The following PEX13 variants were observed in gnomAD, a reference collection of about 807,000 sequenced individuals.
PEX13 encodes the protein peroxisomal biogenesis factor 13, also known as peroxisome biogenesis factor 13.
PEX13 carries 28 observed loss-of-function variants against 34.5 expected under a neutral mutation model. That is an observed-to-expected ratio of 0.81 (90% CI 0.60 to 1.11). The LOEUF is 1.11. PEX13 is among the 50% of genes most tolerant of loss of function. The probability of loss-of-function intolerance (pLI) is 0.00; values close to 1 mark genes in which losing one functional copy is unlikely to be tolerated. For synonymous variants in PEX13, 177 were observed against 175.1 expected (o/e 1.01, Z -0.09); for missense variants, 550 against 491.0 (o/e 1.12, Z -1.13).
intron 3 of PEX13, among the ~76,000 whole-genome samples, chr2:61,047,653 A>G (rs1443588370): frequency 6.6e-6 from 1 of 152,178 alleles, no homozygotes; most frequent in African/African-American, 2.4e-5. Flanking sequence ...TCTTAACACT[A>G]GCTTGCTTCT....
At chr2:61,018,308 G>T in intron 1 of PEX13, 3 of 1,549,398 alleles carry the variant, frequency 1.9e-6, no homozygotes, top group Non-Finnish European at 2.6e-6. Context: ...AAGGTTTTAC[G>T]CAACAGGAAC....
intron 1 of PEX13, among the ~76,000 whole-genome samples, chr2:61,026,344 CTT>C (rs71402320): frequency 6.6e-5 from 8 of 121,206 alleles, no homozygotes; most frequent in African/African-American, 6.3e-5. Context: ...TTTCTTTTTT[CTT>C]TTTTTTTTTT....
rs1283688137 is a variant in PEX13, at chr2:61,023,728, ACTT to A, written c.92+5881_92+5883del. Among the ~76,000 whole-genome samples, 64 of 127,446 alleles carry A rather than the reference ACTT, an allele frequency of 5.0e-4. No individual in the cohort carries two copies. The Middle Eastern group carries it at 0.013, about 27-fold the overall frequency. The allele number at this position is 127,446 out of a possible 152,430, so 83.6% of individuals were successfully genotyped here. On this transcript the variant is annotated intron_variant, in intron 1 of 3. Coordinates refer to ENST00000295030, the MANE Select transcript of PEX13 (RefSeq NM_002618.4). ...CATCAAGGGACCTAAGTTTTTCCTG[ACTT>A]CTTTTTTTTTTTTTTTTGTCAGCTC...
intron 1 of PEX13, among the ~76,000 whole-genome samples, chr2:61,026,471 C>G (rs2104799510): frequency 6.6e-6 from 1 of 151,842 alleles, no homozygotes; most frequent in Admixed American, 6.6e-5. Context: ...CCTCAGCCAC[C>G]CGAGGAGCTG....
chr2:61,025,737 C>T lies in PEX13; in HGVS notation c.93-5682C>T, dbSNP rs192527201. ...TGATTTGAGGCCTAAGGATATCTTT[C>T]TCTAAAGACTTTTCCTTTTGACCAG... On this transcript the variant is annotated intron_variant, in intron 1 of 3. Transcript: ENST00000295030. Among the ~76,000 whole-genome samples, 7 of 152,290 alleles carry T rather than the reference C, an allele frequency of 4.6e-5. No individual in the cohort carries two copies. In the South Asian group the frequency reaches 1.4e-3, roughly 32 times the overall value.
At position 61,038,319 on chromosome 2, in the gene PEX13, C is replaced by T. The variant is rs1214295119; in HGVS notation, c.787+6206C>T. ...AACACACACACAAAAGAATTGTAGG[C>T]CAGTATCCCTGATGAACATCAATGT... On this transcript the variant is annotated intron_variant, in intron 2 of 3. Coordinates refer to ENST00000295030, the MANE Select transcript of PEX13 (RefSeq NM_002618.4). Among the ~76,000 whole-genome samples the T allele has an allele frequency of 3.3e-5, 5 of 152,262 alleles. No individual in the cohort carries two copies. The East Asian group carries it at 7.7e-4, about 23-fold the overall frequency.
chr2:61,042,292 C>T (rs528670839), intron 2 of PEX13, among the ~76,000 whole-genome samples: 10 of 152,226 alleles, frequency 6.6e-5, no homozygotes, highest in East Asian at 5.8e-4. Context: ...TGTGAAATTC[C>T]GATGGCTTCA....
In PEX13 at chr2:61,018,426, G is replaced by T; in HGVS notation, c.92+575G>T. On this transcript the variant is annotated intron_variant, in intron 1 of 3. Coordinates refer to ENST00000295030, the MANE Select transcript of PEX13 (RefSeq NM_002618.4). ...AGGAGTTCTAGATCTGAGGCCTATG[G>T]ATGGACTTTGTGTGCAAAATAGTGT... is the stretch of plus-strand genomic sequence containing the variant. 5.6e-6 allele frequency: 6 copies of T among 1,080,408 alleles called. No individual in the cohort carries two copies. The South Asian group carries it at 1.1e-4, about 20-fold the overall frequency. 66.9% of individuals were successfully genotyped at this position (1,080,408 alleles called of 1,614,324 possible). A position where few individuals can be genotyped will look rare whatever the true frequency, so the allele number is the denominator to read the frequency against.
chr2:61,022,790 T>G (rs1026017648), intron 1 of PEX13, among the ~76,000 whole-genome samples: 1 of 151,984 alleles, frequency 6.6e-6, no homozygotes, highest in African/African-American at 2.4e-5. Context: ...TCCCTTTGAG[T>G]CCAGGAGTTC....
chr2:61,035,132 C>T (rs1478516007), intron 2 of PEX13, among the ~76,000 whole-genome samples: 2 of 152,196 alleles, frequency 1.3e-5, no homozygotes, highest in East Asian at 1.9e-4. Flanking sequence ...AAGGATCAGG[C>T]AGCAATATTT....
Position 61,031,708 on chromosome 2 carries a change from G to A in PEX13, c.382G>A (p.Gly128Ser). The A allele has an allele frequency of 6.2e-7, 1 of 1,614,118 alleles. No individual in the cohort carries two copies. ...FVQQAEESSR[G>S]AFQSIESIVH... ...TCAGCAAGCTGAAGAAAGCAGCAGG[G>A]GTGCATTTCAGTCCATTGAAAGTAT... Residue 128 changes from glycine (G) to serine (S), a missense_variant, in exon 2 of 4, where the codon GGT becomes AGT. Physicochemically the swap from Gly to Ser is moderately conservative, Grantham distance 56 (BLOSUM62 0). Transcript: ENST00000295030.
At chr2:61,043,091 G>C (rs1297621971) in intron 2 of PEX13, among the ~76,000 whole-genome samples, 1 of 152,052 alleles carries the variant, frequency 6.6e-6, no homozygotes, top group East Asian at 1.9e-4. Context: ...CAACAAGAAG[G>C]CCCTTACTAA....
chr2:61,028,679 G>C (rs1680400211), intron 1 of PEX13, among the ~76,000 whole-genome samples: 1 of 150,610 alleles, frequency 6.6e-6, no homozygotes, highest in African/African-American at 2.4e-5. Flanking sequence ...GAGCCACCAT[G>C]CCTGGGCTGG....
intron 1 of PEX13, among the ~76,000 whole-genome samples, chr2:61,020,522 T>C (rs941385487): frequency 2.0e-5 from 3 of 152,356 alleles, no homozygotes; most frequent in East Asian, 3.9e-4. Flanking sequence ...ATCCTTGTAT[T>C]GGTCCTGACT....
In PEX13 at chr2:61,032,106, A is replaced by G; in HGVS notation, c.780A>G (p.Glu260=). Residue 260 remains glutamate, a synonymous_variant, in exon 2 of 4, where the codon GAA becomes GAG. Transcript: ENST00000295030. ...AACTATTGTCTACTCACAGTGATGA[A>G]GTAACAGGTAAGAGAACTGTAAGGG... ...IWKLLSTHSD[E]VTDSINWASG... 2 of 1,607,080 alleles carry G rather than the reference A, an allele frequency of 1.2e-6. No individual in the cohort carries two copies. Among genetic ancestry groups the G allele is most frequent in the Non-Finnish European group, 1.7e-6 (2 of 1,173,708 alleles).
chr2:61,023,400 C>CAG (rs1047484663), intron 1 of PEX13, among the ~76,000 whole-genome samples: 5 of 133,394 alleles, frequency 3.7e-5, no homozygotes, highest in African/African-American at 1.4e-4. Flanking sequence ...TAGGAATATA[C>CAG]AGACACACAC....
rs1212602028 is a variant in PEX13 at position 61,050,374 on chromosome 2, T to G, written c.*1604T>G. 1.3e-5 allele frequency: 2 copies of G among 152,228 alleles called. No individual in the cohort carries two copies. Among genetic ancestry groups the G allele is most frequent in the Non-Finnish European group, 2.9e-5 (2 of 68,012 alleles). 9.4% of individuals were successfully genotyped at this position (152,228 alleles called of 1,614,324 possible). ...CTAGGGGACAGAGCAAGACTCTGTC[T>G]CAAAACAAACAAACAAAAAATAATA... On this transcript the variant is annotated 3_prime_UTR_variant, in exon 4 of 4. Coordinates refer to ENST00000295030, the MANE Select transcript of PEX13 (RefSeq NM_002618.4).
chr2:61,039,881 TAAAC>T (rs750368033), intron 2 of PEX13, among the ~76,000 whole-genome samples: 3 of 151,756 alleles, frequency 2.0e-5, no homozygotes, highest in Non-Finnish European at 2.9e-5. Flanking sequence ...ACAAAGAACT[TAAAC>T]AAATTTACAA....
At chr2:61,045,276 C>A (rs371611323) in intron 2 of PEX13, among the ~76,000 whole-genome samples, 1 of 152,148 alleles carries the variant, frequency 6.6e-6, no homozygotes, top group Non-Finnish European at 1.5e-5. Flanking sequence ...GTGAAATATC[C>A]TTCCCCCAAA....
Sources: allele counts gnomAD v4.1 joint callset (sites outside exome capture counted in the v4.1 genomes callset), GRCh38; gene constraint gnomAD v4.1.1; transcripts MANE v1.5; gene names NCBI Gene and HGNC (gene_info 2026-07-23, HGNC 2026-07-21).